KIAA1328: variants seen among roughly 807,000 people sequenced by gnomAD.
KIAA1328 encodes KIAA1328.
In KIAA1328, 52 loss-of-function variants were observed where a neutral mutation model predicts 68.1. The observed-to-expected ratio is 0.76, with a 90% CI of 0.61 to 0.96. KIAA1328 has a LOEUF of 0.96. Among genes scored for constraint, KIAA1328 ranks in the 40% least tolerant of loss-of-function variants. The probability of loss-of-function intolerance (pLI) is 0.00; values close to 1 mark genes in which losing one functional copy is unlikely to be tolerated. For synonymous variants in KIAA1328, 232 were observed against 239.4 expected (o/e 0.97, Z 0.28); for missense variants, 641 against 677.6 (o/e 0.95, Z 0.60).
At chr18:36,890,955 C>T (rs889660126) in intron 5 of KIAA1328, among the ~76,000 whole-genome samples, 1 of 151,830 alleles carries the variant, frequency 6.6e-6, no homozygotes, top group African/African-American at 2.4e-5. Flanking sequence ...AAAGAAGAGC[C>T]GAGAAGGAAG....
At chr18:37,179,562 A>G (rs2059660049) in intron 9 of KIAA1328, among the ~76,000 whole-genome samples, 1 of 152,184 alleles carries the variant, frequency 6.6e-6, no homozygotes, top group Admixed American at 6.5e-5. Context: ...GCAGCTGTTT[A>G]AACACAGCTG....
intron 9 of KIAA1328, among the ~76,000 whole-genome samples, chr18:37,213,931 G>C (rs2060371098): frequency 6.6e-6 from 1 of 152,100 alleles, no homozygotes; most frequent in Admixed American, 6.5e-5. Context: ...GTGTCTGTTG[G>C]CTGCATAAAT....
chr18:37,220,366 A>T (rs1258636624), intron 9 of KIAA1328, among the ~76,000 whole-genome samples: 1 of 152,244 alleles, frequency 6.6e-6, no homozygotes, highest in Non-Finnish European at 1.5e-5. Flanking sequence ...GAAAAATTAA[A>T]TTTAAAAATT....
At chr18:37,031,315 C>T (rs373253897) in intron 6 of KIAA1328, among the ~76,000 whole-genome samples, 48 of 151,782 alleles carry the variant, frequency 3.2e-4, no homozygotes, top group African/African-American at 1.0e-3. Context: ...TTTTCCTTTC[C>T]GTCTTTCCAC....
At chr18:37,162,641 A>C (rs1477563373) in intron 8 of KIAA1328, among the ~76,000 whole-genome samples, 1 of 152,108 alleles carries the variant, frequency 6.6e-6, no homozygotes, top group Non-Finnish European at 1.5e-5. Context: ...AGCACTAATC[A>C]CCTAAGTTAC....
At chr18:37,059,485 T>C (rs942576259) in intron 6 of KIAA1328, among the ~76,000 whole-genome samples, 1 of 152,100 alleles carries the variant, frequency 6.6e-6, no homozygotes, top group Non-Finnish European at 1.5e-5. Context: ...AAAACCACAA[T>C]GAGATACCAT....
At chr18:36,974,279 T>C (rs1191281577) in intron 6 of KIAA1328, among the ~76,000 whole-genome samples, 4 of 152,170 alleles carry the variant, frequency 2.6e-5, no homozygotes, top group Non-Finnish European at 5.9e-5. Context: ...ATAATGTACA[T>C]TATATTCATT....
At chr18:36,997,916 CTG>C (rs1256000769) in intron 6 of KIAA1328, among the ~76,000 whole-genome samples, 1 of 152,150 alleles carries the variant, frequency 6.6e-6, no homozygotes, top group East Asian at 1.9e-4. Context: ...CCAACCAGGA[CTG>C]GGGTATGAGA....
chr18:37,062,335 G>T (rs1046529179), intron 6 of KIAA1328, among the ~76,000 whole-genome samples: 4 of 152,112 alleles, frequency 2.6e-5, no homozygotes, highest in South Asian at 2.1e-4. Context: ...ATATGAGTGG[G>T]TTTTTTTCTT....
In KIAA1328 at chr18:37,175,665, G is replaced by A. The variant is rs575005609; in HGVS notation, c.1523+2584G>A. On this transcript the variant is annotated intron_variant, in intron 9 of 9. Transcript: ENST00000280020. ...CATAGTGGTGGCTTTCCAGATTTCA[G>A]AATCAGGATTATTTGTACTGTTTTT... 2.0e-4 allele frequency among the ~76,000 whole-genome samples: 30 copies of A among 152,016 alleles called. No homozygotes were observed. In the South Asian group the frequency reaches 5.6e-3, roughly 28 times the overall value.
chr18:37,142,277 C>T (rs998341134), intron 7 of KIAA1328, among the ~76,000 whole-genome samples: 6 of 151,948 alleles, frequency 3.9e-5, no homozygotes, highest in Admixed American at 6.6e-5. Context: ...CTGCATCCTC[C>T]GCCTCCTAGG....
intron 5 of KIAA1328, among the ~76,000 whole-genome samples, chr18:36,911,429 G>A (rs56133445): frequency 0.14 from 20,710 of 152,124 alleles, 1,759 homozygotes; most frequent in Admixed American, 0.18. Flanking sequence ...ACTAATGAGT[G>A]TTTAAATAAA....
chr18:37,189,425 C>G (rs1408686873), intron 9 of KIAA1328, among the ~76,000 whole-genome samples: 1 of 152,070 alleles, frequency 6.6e-6, no homozygotes, highest in Non-Finnish European at 1.5e-5. Flanking sequence ...TGCCTGTATT[C>G]AGAATTTTTC....
chr18:36,914,736 A>T (rs986967241), intron 5 of KIAA1328, among the ~76,000 whole-genome samples: 34 of 152,234 alleles, frequency 2.2e-4, no homozygotes, highest in Admixed American at 1.6e-3. Flanking sequence ...AAAGTTAGAT[A>T]AAAAAATATA....
At chr18:36,910,153 T>C (rs1451156991) in intron 5 of KIAA1328, among the ~76,000 whole-genome samples, 5 of 152,190 alleles carry the variant, frequency 3.3e-5, no homozygotes, top group Non-Finnish European at 7.4e-5. Flanking sequence ...ATTTTGGCTT[T>C]TGTTGCCGTT....
intron 9 of KIAA1328, among the ~76,000 whole-genome samples, chr18:37,215,538 G>A (rs1014868215): frequency 6.6e-6 from 1 of 152,158 alleles, no homozygotes; most frequent in African/African-American, 2.4e-5. Flanking sequence ...TGCGCTGCTG[G>A]ATTTGGTTTG....
chr18:37,105,881 C>T (rs145771390), intron 7 of KIAA1328, among the ~76,000 whole-genome samples: 5 of 124,266 alleles, frequency 4.0e-5, no homozygotes, highest in African/African-American at 6.3e-5. Flanking sequence ...TGCTCCACTG[C>T]GCTCCAGCCT....
At position 37,219,852 on chromosome 18, in the gene KIAA1328, C is replaced by G. The variant is rs1339499795; in HGVS notation, c.1524-2165C>G. On this transcript the variant is annotated intron_variant, in intron 9 of 9. Transcript: ENST00000280020. ...GGCTGCACCCACTGTCCATCCAGTC[C>G]CAATGAGATGAACCAGGTACCTCAG... Among the ~76,000 whole-genome samples, 3 of 152,202 alleles carry G rather than the reference C, an allele frequency of 2.0e-5. No individual in the cohort carries two copies. In the South Asian group the frequency reaches 6.2e-4, roughly 32 times the overall value.
chr18:37,202,220 A>G (rs2060128457), intron 9 of KIAA1328, among the ~76,000 whole-genome samples: 1 of 152,218 alleles, frequency 6.6e-6, no homozygotes, highest in Admixed American at 6.5e-5. Context: ...GATTCCAAAA[A>G]AACAAATATA....
Sources: gnomAD v4.1 joint callset for allele counts (sites outside exome capture counted in the v4.1 genomes callset) on GRCh38, gnomAD v4.1.1 for gene constraint, MANE v1.5 for transcripts, NCBI Gene and HGNC (gene_info 2026-07-23, HGNC 2026-07-21) for gene names.